The following KMT2D variants were observed in gnomAD, a reference collection of about 807,000 sequenced individuals.
KMT2D encodes the protein histone-lysine N-methyltransferase 2D.
KMT2D carries 55 observed loss-of-function variants against 512.7 expected under a neutral mutation model. That is an observed-to-expected ratio of 0.11 (90% CI 0.09 to 0.13). The LOEUF (loss-of-function observed/expected upper bound fraction) is 0.13. Ranked by LOEUF, KMT2D falls within the 10% of genes least tolerant of loss-of-function variation. KMT2D has a pLI of 1.00. For missense variants in KMT2D, 6,061 were observed against 7,127.9 expected, an observed-to-expected ratio of 0.85 and a Z score of 5.39; for synonymous variants, 2,995 against 2,904.0, an observed-to-expected ratio of 1.03 and a Z score of -1.01.
Position 49,024,830 on chromosome 12 carries a change from C to T in KMT2D, c.15901G>A (p.Val5301Met), listed in dbSNP as rs779940057. 7 of 1,612,852 alleles carry T rather than the reference C, an allele frequency of 4.3e-6. No homozygotes were observed. Among genetic ancestry groups the T allele is most frequent in the South Asian group, 1.1e-5 (1 of 90,856 alleles). ...EELFGLTVHA[V>M]LRIAESLPGV... ...CTTACTGATTCAGCTATGCGAAGCA[C>T]GGCATGCACCGTCAGCCCAAAGAGC... Residue 5301 changes from valine to methionine, a missense_variant, in exon 50 of 55, where the codon GTG (valine) becomes ATG (methionine). By Grantham distance (21) the Val-to-Met change is conservative. This residue lies in a region of KMT2D where 261 missense variants were observed against 440.7 expected (regional missense o/e 0.59). Transcript: ENST00000301067. This position sits in a 1 kb window ranked among gnomAD's most constrained non-coding sequence, Gnocchi z 4.5.
chr12:49,046,463 T>G lies in KMT2D; in HGVS notation c.4419-39A>C. On this transcript the variant is annotated intron_variant, in intron 16 of 54. Coordinates refer to ENST00000301067, the MANE Select transcript of KMT2D (RefSeq NM_003482.4). The surrounding 1 kb of genome is among the most constrained non-coding windows in gnomAD (Gnocchi z 4.2). ...GAAAACAGAGCTTTAGCACCCAACC[T>G]ACCCGAAGTACCCAGAAGTCCCCTC... 6.2e-7 allele frequency: 1 copy of G among 1,604,692 alleles called. No individual in the cohort carries two copies. Among genetic ancestry groups the G allele is most frequent in the Non-Finnish European group, 8.5e-7 (1 of 1,173,992 alleles).
rs1242866061 is a variant in KMT2D, at chr12:49,051,881, G to A, written c.1802C>T (p.Pro601Leu). Reference sequence around the variant, plus strand: ...GGACAGAGGAGACTCTTCAAATGGTGGGAACAGACGAGATGCCTCCGGTGG... The same window carrying A: ...GGACAGAGGAGACTCTTCAAATGGTAGGAACAGACGAGATGCCTCCGGTGG... ...SPPPEASRLF[P>L]PFEESPLSPP... Residue 601 changes from proline to leucine, a missense_variant, in exon 11 of 55, where the codon CCA becomes CTA. Coordinates refer to ENST00000301067, the MANE Select transcript of KMT2D (RefSeq NM_003482.4). The A allele has an allele frequency of 3.1e-6, 5 of 1,612,258 alleles. No individual in the cohort carries two copies. Among genetic ancestry groups the A allele is most frequent in the South Asian group, 2.2e-5 (2 of 90,984 alleles).
rs1172354269 is a variant in KMT2D at position 49,024,528 on chromosome 12, C to G, written c.16052+50G>C. ...ATCCTCATAATGGGACCAGAGGATC[C>G]CTGTCAACACCCACACCCACATCCC... On this transcript the variant is annotated intron_variant, in intron 51 of 54. Transcript: ENST00000301067. This position sits in a 1 kb window ranked among gnomAD's most constrained non-coding sequence, Gnocchi z 4.5. 5 of 1,552,730 alleles carry G rather than the reference C, an allele frequency of 3.2e-6. No homozygotes were observed. Among genetic ancestry groups the G allele is most frequent in the Non-Finnish European group, 4.4e-6 (5 of 1,149,152 alleles).
chr12:49,023,018 GA>G, intron 51 of KMT2D, 143 bp from the exon 52 acceptor site: 1 of 902,168 alleles, frequency 1.1e-6, no homozygotes. Context: ...GCAGCCTTGG[GA>G]AAGGAGTAGA....
chr12:49,036,631 G>A (rs1040230572), intron 35 of KMT2D, among the ~76,000 whole-genome samples: 6 of 151,802 alleles, frequency 4.0e-5, no homozygotes, highest in Non-Finnish European at 8.8e-5. Context: ...TGGGATTACA[G>A]GGATGCACCA....
Position 49,041,377 on chromosome 12 carries a change from G to C in KMT2D, c.6393C>G (p.Thr2131=), listed in dbSNP as rs1224373654. The change falls in exon 32 of 55, where the codon ACC becomes ACG. Residue 2131 remains threonine (T), a synonymous_variant. Coordinates refer to ENST00000301067, the MANE Select transcript of KMT2D (RefSeq NM_003482.4). This position sits in a 1 kb window ranked among gnomAD's most constrained non-coding sequence, Gnocchi z 5.4. Reference sequence around the variant, plus strand: ...CCGCAGAGGTAGACAAGCCGGCGGGGGTAGTGGGGCTGCCAATGAAAATGG... The same window carrying C: ...CCGCAGAGGTAGACAAGCCGGCGGGCGTAGTGGGGCTGCCAATGAAAATGG... ...APTIFIGSPT[T]PAGLSTSADG... 1.3e-6 allele frequency: 2 copies of C among 1,598,190 alleles called. No individual in the cohort carries two copies. The highest frequency in any genetic ancestry group is 2.2e-5 in the East Asian group (1 of 44,784).
rs753669792 is a variant in KMT2D, at chr12:49,043,701, G to A, written c.5401C>T (p.Leu1801=). The A allele has an allele frequency of 2.5e-6, 4 of 1,614,012 alleles. No homozygotes were observed. Among genetic ancestry groups the A allele is most frequent in the South Asian group, 1.1e-5 (1 of 91,090 alleles). Residue 1801 remains leucine, a synonymous_variant, in exon 24 of 55, where the codon CTA becomes TTA. Coordinates refer to ENST00000301067, the MANE Select transcript of KMT2D (RefSeq NM_003482.4). ...TCTCCCTTGGCTTTTGGGGTCCCTA[G>A]TCCAAAGCTTGGCCGGCCCACCCCA... ...AVGVGRPSFG[L]GTPKAKGDGG...
chr12:49,043,446 C>G lies in KMT2D; in HGVS notation c.5468-18G>C, dbSNP rs1359507063. The G allele has an allele frequency of 6.2e-7, 1 of 1,613,614 alleles. No individual in the cohort carries two copies. The highest frequency in any genetic ancestry group is 1.7e-5 in the Admixed American group (1 of 60,024). On this transcript the variant is annotated intron_variant, in intron 24 of 54. Transcript: ENST00000301067. ...ATCATCTCCTATGAGCAAGAGTCCCCCCTCCAATCAGAGATGTCCTACATC... is the reference window on the plus strand; with the variant it reads ...ATCATCTCCTATGAGCAAGAGTCCCGCCTCCAATCAGAGATGTCCTACATC...
At position 49,053,573 on chromosome 12, in the gene KMT2D, C is replaced by G; in HGVS notation, c.742G>C (p.Gly248Arg). 6.3e-7 allele frequency: 1 copy of G among 1,599,984 alleles called. No homozygotes were observed. Among genetic ancestry groups the G allele is most frequent in the Non-Finnish European group, 8.5e-7 (1 of 1,173,468 alleles). Residue 248 changes from glycine to arginine, a missense_variant, in exon 7 of 55, where the codon GGG becomes CGG. This residue lies in a region of KMT2D where 160 missense variants were observed against 225.8 expected (regional missense o/e 0.71). Transcript: ENST00000301067. Reference protein sequence around the residue: ...LCDLFFCTSCGHHYHGACLDT... With the variant: ...LCDLFFCTSCRHHYHGACLDT... Reference sequence around the variant, plus strand: ...AGGCAGGCCCCGTGATAGTGATGCCCACAGCTGGTACAGAAGAACAGGTCA... The same window carrying G: ...AGGCAGGCCCCGTGATAGTGATGCCGACAGCTGGTACAGAAGAACAGGTCA...
rs2120650950 is a variant in KMT2D at position 49,050,458 on chromosome 12, G to A, written c.3130C>T (p.Pro1044Ser). 1 of 1,613,982 alleles carries A rather than the reference G, an allele frequency of 6.2e-7. No homozygotes were observed. Among genetic ancestry groups the A allele is most frequent in the Non-Finnish European group, 8.5e-7 (1 of 1,179,872 alleles). Residue 1044 changes from proline to serine, a missense_variant, in exon 12 of 55, where the codon CCT becomes TCT. By Grantham distance (74) the Pro-to-Ser change is moderately conservative (BLOSUM62 -1). Transcript: ENST00000301067. ...PQNSPPSQCS[P>S]PALPLSVPSP... ...GGAACGGACAGTGGTAGGGCAGGAG[G>A]AGAGCACTGGGAAGGAGGGGAGTTT...
intron 46 of KMT2D, among the ~76,000 whole-genome samples, chr12:49,028,379 A>G (rs566484493): frequency 6.6e-6 from 1 of 152,210 alleles, no homozygotes; most frequent in Non-Finnish European, 1.5e-5. Flanking sequence ...GAAATGATGC[A>G]TGCTCTATCC....
rs372370792 is a variant in KMT2D, at chr12:49,052,343, G to A, written c.1340C>T (p.Ser447Leu). The A allele has an allele frequency of 6.4e-7, 1 of 1,559,446 alleles. No individual in the cohort carries two copies. The highest frequency in any genetic ancestry group is 8.7e-7 in the Non-Finnish European group (1 of 1,151,036). Reference sequence around the variant, plus strand: ...TTCCTCAGGTGGTGGGGACAGGGGTGACTCCTCAGGTGGGGGCAGCAGTGG... The same window carrying A: ...TTCCTCAGGTGGTGGGGACAGGGGTAACTCCTCAGGTGGGGGCAGCAGTGG... ...EMPLLPPPEESPLSPPPEESP... is the reference protein window; with the variant it reads ...EMPLLPPPEELPLSPPPEESP... The change falls in exon 11 of 55, where the codon TCA (serine) becomes TTA (leucine). Residue 447 changes from serine (S) to leucine (L), a missense_variant. Ser to Leu is a moderately radical substitution (Grantham distance 145). Transcript: ENST00000301067.
chr12:49,038,753 A>T lies in KMT2D; in HGVS notation c.8603T>A (p.Val2868Glu), dbSNP rs2120503625. The change falls in exon 35 of 55, where the codon GTG (valine) becomes GAG (glutamate). Residue 2868 changes from valine to glutamate, a missense_variant. Val to Glu is a moderately radical substitution (Grantham distance 121). Transcript: ENST00000301067. This position sits in a 1 kb window ranked among gnomAD's most constrained non-coding sequence, Gnocchi z 5.7. Reference protein sequence around the residue: ...STRLPGPGEPVPGPAGPAQFI... With the variant: ...STRLPGPGEPEPGPAGPAQFI... ...CTGGGCAGGACCAGCTGGACCAGGC[A>T]CTGGCTCACCAGGGCCTGGCAGACG... The T allele has an allele frequency of 6.2e-7, 1 of 1,605,754 alleles. No homozygotes were observed. The highest frequency in any genetic ancestry group is 8.5e-7 in the Non-Finnish European group (1 of 1,176,358).
At position 49,033,489 on chromosome 12, in the gene KMT2D, T is replaced by C. The variant is rs763449813; in HGVS notation, c.11216A>G (p.Gln3739Arg). 8 of 1,612,824 alleles carry C rather than the reference T, an allele frequency of 5.0e-6. No homozygotes were observed. In the Admixed American group the frequency reaches 1.2e-4, roughly 24 times the overall value. The part of the protein sequence containing the change: ...QLAQKLQQQQ[Q>R]QQQQQQHLLG... Reference sequence around the variant, plus strand: ...AAGGTGCTGCTGCTGCTGTTGCTGCTGCTGCTGCTGCTGCAGTTTCTGGGC... The same window carrying C: ...AAGGTGCTGCTGCTGCTGTTGCTGCCGCTGCTGCTGCTGCAGTTTCTGGGC... Residue 3739 changes from glutamine to arginine, a missense_variant, in exon 40 of 55, where the codon CAG becomes CGG. By Grantham distance (43) the Gln-to-Arg change is conservative. Transcript: ENST00000301067.
rs201457521 is a variant in KMT2D at position 49,046,220 on chromosome 12, T to A, written c.4583+40A>T. 1.2e-6 allele frequency: 2 copies of A among 1,613,600 alleles called. No homozygotes were observed. The highest frequency in any genetic ancestry group is 2.2e-5 in the East Asian group (1 of 44,882). On this transcript the variant is annotated intron_variant, in intron 17 of 54. Transcript: ENST00000301067. This position sits in a 1 kb window ranked among gnomAD's most constrained non-coding sequence, Gnocchi z 4.2. ...GAAATAAGCTCAGGCAATGCGAGGC[T>A]GGCAACAGGGCCAAAGTGAGGAGAA...
At position 49,053,993 on chromosome 12, in the gene KMT2D, C is replaced by G. The variant is rs1421070239; in HGVS notation, c.658G>C (p.Gly220Arg). 1 of 1,613,820 alleles carries G rather than the reference C, an allele frequency of 6.2e-7. No individual in the cohort carries two copies. Among genetic ancestry groups the G allele is most frequent in the South Asian group, 1.1e-5 (1 of 91,064 alleles). Residue 220 changes from glycine (G) to arginine (R), a missense_variant, in exon 6 of 55, where the codon GGG becomes CGG. Gly to Arg is a moderately radical substitution (Grantham distance 125, BLOSUM62 -2). Around this residue, in one of 16 missense-constraint regions of KMT2D, gnomAD observed 160 missense variants for 225.8 expected, o/e 0.71. Transcript: ENST00000301067. ...LQLLCPEHSE[G>R]AAYLEEARCA... Reference sequence around the variant, plus strand: ...GACTTCTCACCCAGATATGCAGCCCCCTCACTGTGCTCTGGGCATAGCAGC... The same window carrying G: ...GACTTCTCACCCAGATATGCAGCCCGCTCACTGTGCTCTGGGCATAGCAGC...
chr12:49,028,755 C>T (rs2120384912), intron 46 of KMT2D, 73 bp downstream of exon 46: 2 of 1,582,236 alleles, frequency 1.3e-6, no homozygotes, highest in Non-Finnish European at 1.7e-6. Flanking sequence ...TACATTTTTC[C>T]TTATCCAGAC....
At position 49,046,907 on chromosome 12, in the gene KMT2D, G is replaced by A. The variant is rs745472800; in HGVS notation, c.4237-117C>T. The A allele has an allele frequency of 1.7e-4, 144 of 864,344 alleles. No homozygotes were observed. The highest frequency in any genetic ancestry group is 2.2e-4 in the Non-Finnish European group (128 of 572,708). 53.5% of individuals were successfully genotyped at this position (864,344 alleles called of 1,614,324 possible). On this transcript the variant is annotated intron_variant, in intron 15 of 54. Transcript: ENST00000301067. This position sits in a 1 kb window ranked among gnomAD's most constrained non-coding sequence, Gnocchi z 4.2. ...GTTCCCCAGGCTGGAGTGCAATGGC[G>A]CGATCTCGGCTCACTGCAACCTCTG... is the stretch of plus-strand genomic sequence containing the variant.
In KMT2D at chr12:49,040,272, C is replaced by T. The variant is rs746638965; in HGVS notation, c.7498G>A (p.Ala2500Thr). 39 of 1,609,190 alleles carry T rather than the reference C, an allele frequency of 2.4e-5. No individual in the cohort carries two copies. Among genetic ancestry groups the T allele is most frequent in the South Asian group, 5.5e-5 (5 of 90,580 alleles). Residue 2500 changes from alanine to threonine, a missense_variant, in exon 32 of 55, where the codon GCG (alanine) becomes ACG (threonine). Coordinates refer to ENST00000301067, the MANE Select transcript of KMT2D (RefSeq NM_003482.4). ...GAGGFPAALP[A>T]GPAGELHAKV... The stretch of plus-strand genomic sequence containing the variant: ...GCATGGAGCTCACCTGCTGGCCCCG[C>T]GGGCAGGGCTGCTGGGAACCCCCCA...
Sources: allele counts gnomAD v4.1 joint callset (sites outside exome capture counted in the v4.1 genomes callset), GRCh38; gene constraint gnomAD v4.1.1; regional missense constraint gnomAD v4.1.1; non-coding constraint Gnocchi (gnomAD v3.1); transcripts MANE v1.5; gene names NCBI Gene and HGNC (gene_info 2026-07-23, HGNC 2026-07-21).